AGRN: variants seen among roughly 807,000 people sequenced by gnomAD.
AGRN encodes agrin proteoglycan.
AGRN carries 106 observed loss-of-function variants against 211.0 expected under a neutral mutation model. The ratio of observed to expected loss-of-function variants is 0.50; its 90% confidence interval spans 0.43 to 0.59. The LOEUF is 0.59. Among genes scored for constraint, AGRN ranks in the 20% least tolerant of loss-of-function variants. The pLI is 0.00. For missense variants in AGRN, 3,040 were observed against 2,982.6 expected (o/e 1.02, Z -0.45); for synonymous variants, 1,525 against 1,332.5 (o/e 1.14, Z -3.15).
chr1:1,044,607 G>A (rs762040732), intron 12 of AGRN, among the ~76,000 whole-genome samples, 168 bp downstream of exon 12: 8 of 152,222 alleles, frequency 5.3e-5, no homozygotes, highest in African/African-American at 1.4e-4. Flanking sequence ...GTGCAGCTGC[G>A]TGTGTGGGCG....
intron 2 of AGRN, among the ~76,000 whole-genome samples, chr1:1,028,320 G>C (rs1429178873): frequency 5.3e-4 from 56 of 105,058 alleles, no homozygotes; most frequent in South Asian, 9.7e-4. Flanking sequence ...GTGGGGAAAC[G>C]CCCCCCCCCC....
chr1:1,045,703 C>T (rs534007864), intron 14 of AGRN, 30 bp from the exon 15 acceptor site: 30 of 1,613,160 alleles, frequency 1.9e-5, no homozygotes, highest in Non-Finnish European at 2.5e-5. Flanking sequence ...CAGGTGCGGA[C>T]ATCACGTTCC....
At position 1,047,439 on chromosome 1, in the gene AGRN, G is replaced by T. The variant is rs745963689; in HGVS notation, c.3501G>T (p.Arg1167Ser). The T allele has an allele frequency of 2.5e-5, 40 of 1,612,806 alleles. No individual in the cohort carries two copies. The highest frequency in any genetic ancestry group is 3.4e-5 in the Non-Finnish European group (40 of 1,179,946). The change falls in exon 20 of 36, where the codon AGG becomes AGT. Residue 1167 changes from arginine to serine, a missense_variant. Physicochemically the swap from Arg to Ser is moderately radical, Grantham distance 110 (BLOSUM62 -1). This residue lies in a region of AGRN where 1,537 missense variants were observed against 1,505.0 expected (regional missense o/e 1.02). Transcript: ENST00000379370. Reference sequence around the variant, plus strand: ...CAGAACTGTTCGGGGAGACAGCCAGGAGCATTGAGAGCACCGTAAGACGGG... The same window carrying T: ...CAGAACTGTTCGGGGAGACAGCCAGTAGCATTGAGAGCACCGTAAGACGGG... ...PKSELFGETA[R>S]SIESTLDDLF...
rs376066449 is a variant in AGRN, at chr1:1,051,774, C to T, written c.5610C>T (p.Asp1870=). 1.3e-5 allele frequency: 21 copies of T among 1,613,712 alleles called. No individual in the cohort carries two copies. Among genetic ancestry groups the T allele is most frequent in the Admixed American group, 5.0e-5 (3 of 60,004 alleles). The part of the protein sequence containing the change: ...SAGDVDTLAF[D]GRTFVEYLNA... ...GGGACGTGGATACCTTGGCCTTTGACGGGCGGACCTTTGTCGAGTACCTCA... is the reference window on the plus strand; with the variant it reads ...GGGACGTGGATACCTTGGCCTTTGATGGGCGGACCTTTGTCGAGTACCTCA... Residue 1870 remains aspartate (D), a synonymous_variant, in exon 33 of 36, where the codon GAC becomes GAT. Transcript: ENST00000379370.
Position 1,049,882 on chromosome 1 carries a change from G to A in AGRN, c.4745-21G>A, listed in dbSNP as rs1338792760. 3.1e-6 allele frequency: 5 copies of A among 1,611,150 alleles called. No homozygotes were observed. In the South Asian group the frequency reaches 5.5e-5, roughly 18 times the overall value. On this transcript the variant is annotated intron_variant, in intron 26 of 35. Transcript: ENST00000379370. ...GACGCCTCCTGGGACCTCGGTCCCGGTCCCGTCTTCCTCCATCCAGGACCA... is the reference window on the plus strand; with the variant it reads ...GACGCCTCCTGGGACCTCGGTCCCGATCCCGTCTTCCTCCATCCAGGACCA...
In AGRN at chr1:1,032,655, C is replaced by T. The variant is rs895724501; in HGVS notation, c.464-2622C>T. Among the ~76,000 whole-genome samples the T allele has an allele frequency of 6.6e-6, 1 of 152,174 alleles. No individual in the cohort carries two copies. The highest frequency in any genetic ancestry group is 1.5e-5 in the Non-Finnish European group (1 of 68,024). Reference sequence around the variant, plus strand: ...GGGTGAGACCGAGTGTGGCAGATGGCTTGGTCCGCGGTGCTGGAGGGGACT... The same window carrying T: ...GGGTGAGACCGAGTGTGGCAGATGGTTTGGTCCGCGGTGCTGGAGGGGACT... On this transcript the variant is annotated intron_variant, in intron 2 of 35. Coordinates refer to ENST00000379370, the MANE Select transcript of AGRN (RefSeq NM_198576.4). The surrounding 1 kb of genome is among the most constrained non-coding windows in gnomAD (Gnocchi z 4.7).
rs1470158455 is a variant in AGRN at position 1,053,343 on chromosome 1, C to T, written c.5652-410C>T. 2.6e-5 allele frequency: 24 copies of T among 936,808 alleles called. No individual in the cohort carries two copies. In the African/African-American group the frequency reaches 3.0e-4, roughly 12 times the overall value. The allele number at this position is 936,808 out of a possible 1,614,324, so 58.0% of individuals were successfully genotyped here. Reference sequence around the variant, plus strand: ...TCTTTGGTGGGCGGCCAGTGATCCTCGAGGTCACGCATGTCTTCTGTGGGT... The same window carrying T: ...TCTTTGGTGGGCGGCCAGTGATCCTTGAGGTCACGCATGTCTTCTGTGGGT... On this transcript the variant is annotated intron_variant, in intron 33 of 35. Coordinates refer to ENST00000379370, the MANE Select transcript of AGRN (RefSeq NM_198576.4).
intron 2 of AGRN, among the ~76,000 whole-genome samples, chr1:1,025,766 C>A (rs1644508376): frequency 6.6e-6 from 1 of 152,014 alleles, no homozygotes; most frequent in Admixed American, 6.5e-5. Context: ...CCTCCCCACT[C>A]ACCTCTGTGT....
At chr1:1,054,045 G>A in intron 34 of AGRN, 68 bp downstream of exon 34, 1 of 1,500,728 alleles carries the variant, frequency 6.7e-7, no homozygotes, top group Non-Finnish European at 9.1e-7. Context: ...GCTGGGCTGT[G>A]TCCAGTCACT....
At position 1,046,393 on chromosome 1, in the gene AGRN, G is replaced by C. The variant is rs1275169662; in HGVS notation, c.2912-4G>C. On this transcript the variant is annotated splice_polypyrimidine_tract_variant and splice_region_variant and intron_variant, in intron 17 of 35. Coordinates refer to ENST00000379370, the MANE Select transcript of AGRN (RefSeq NM_198576.4). ...TCCCCCCGCCAACCTCCCTCTCCTT[G>C]CAGAGGCTGTTGCTCCCAGCACTCA... 2 of 1,610,810 alleles carry C rather than the reference G, an allele frequency of 1.2e-6. No individual in the cohort carries two copies. Among genetic ancestry groups the C allele is most frequent in the Admixed American group, 3.3e-5 (2 of 59,802 alleles).
chr1:1,022,896 G>C (rs113543998), intron 2 of AGRN, among the ~76,000 whole-genome samples: 359 of 152,316 alleles, frequency 2.4e-3, no homozygotes, highest in African/African-American at 7.8e-3. Context: ...AGGCTGTGCG[G>C]CGAGGGCTTC....
intron 19 of AGRN, 70 bp from the exon 20 acceptor site, chr1:1,047,257 G>T: frequency 6.5e-7 from 1 of 1,536,112 alleles, no homozygotes; most frequent in East Asian, 2.3e-5. Context: ...CTTGCTGCTG[G>T]GGCCTGTGCC....
rs1355915828 is a variant in AGRN, at chr1:1,041,519, C to T, written c.994C>T (p.Arg332Cys). Reference sequence around the variant, plus strand: ...CCTCCCTGACCCGAGCCGCAGCTGCCGTGTGAACCCGCGCACGCGGCGCCC... The same window carrying T: ...CCTCCCTGACCCGAGCCGCAGCTGCTGTGTGAACCCGCGCACGCGGCGCCC... Reference protein sequence around the residue: ...GALPDPSRSCRVNPRTRRPEM... With the variant: ...GALPDPSRSCCVNPRTRRPEM... The change falls in exon 6 of 36, where the codon CGT becomes TGT. Residue 332 changes from arginine to cysteine, a missense_variant. Arg to Cys is a radical substitution (Grantham distance 180, BLOSUM62 -3). Coordinates refer to ENST00000379370, the MANE Select transcript of AGRN (RefSeq NM_198576.4). 2 of 1,601,954 alleles carry T rather than the reference C, an allele frequency of 1.2e-6. No homozygotes were observed. The highest frequency in any genetic ancestry group is 1.1e-5 in the South Asian group (1 of 90,806).
In AGRN at chr1:1,043,284, C is replaced by A. The variant is rs772421157; in HGVS notation, c.1430C>A (p.Ala477Glu). ...PCLGVQCAFG[A>E]TCAVKNGQAA... ...CTCGGGGTGCAGTGTGCATTTGGGGCGACGTGTGCTGTGAAGAACGGGCAG... is the reference window on the plus strand; with the variant it reads ...CTCGGGGTGCAGTGTGCATTTGGGGAGACGTGTGCTGTGAAGAACGGGCAG... The change falls in exon 8 of 36, where the codon GCG becomes GAG. Residue 477 changes from alanine to glutamate, a missense_variant. This residue lies in a region of AGRN where 1,498 missense variants were observed against 1,457.8 expected (regional missense o/e 1.03). Transcript: ENST00000379370. The A allele has an allele frequency of 3.1e-6, 5 of 1,611,480 alleles. No homozygotes were observed. The highest frequency in any genetic ancestry group is 4.2e-6 in the Non-Finnish European group (5 of 1,179,448).
chr1:1,020,851 G>GGGT (rs1553170884), intron 1 of AGRN, among the ~76,000 whole-genome samples: 2,018 of 149,808 alleles, frequency 0.013, 203 homozygotes, highest in Middle Eastern at 0.021. Flanking sequence ...GTGGTGCGGG[G>GGGT]GGGGGGCGTG....
chr1:1,040,545 C>G (rs1483226158), intron 3 of AGRN, 120 bp from the exon 4 acceptor site: 52 of 1,231,176 alleles, frequency 4.2e-5, no homozygotes, highest in Non-Finnish European at 5.9e-5. Flanking sequence ...CGTGGTGGAC[C>G]CCCGATGCGG....
intron 2 of AGRN, among the ~76,000 whole-genome samples, chr1:1,027,724 T>A (rs1025378865): frequency 6.6e-6 from 1 of 152,180 alleles, no homozygotes; most frequent in Non-Finnish European, 1.5e-5. Context: ...TGCCCACCCC[T>A]GCCCAGATGG....
intron 2 of AGRN, chr1:1,034,203 G>A: frequency 3.0e-6 from 3 of 985,350 alleles, no homozygotes; most frequent in South Asian, 4.7e-5. Context: ...CCGCCTCTCC[G>A]GCCTGCGCGG....
intron 2 of AGRN, among the ~76,000 whole-genome samples, chr1:1,030,143 ATGTG>A (rs761937624): frequency 0.018 from 140 of 7,886 alleles, 13 homozygotes; most frequent in African/African-American, 0.05. Flanking sequence ...TGAGATCAGC[ATGTG>A]TGTGTGTGTG....
Sources: gnomAD v4.1 joint callset for allele counts (sites outside exome capture counted in the v4.1 genomes callset) on GRCh38, gnomAD v4.1.1 for gene constraint, gnomAD v4.1.1 regional missense constraint, Gnocchi (gnomAD v3.1) non-coding constraint, MANE v1.5 for transcripts, NCBI Gene and HGNC (gene_info 2026-07-23, HGNC 2026-07-21) for gene names.